SPON2: variants seen among roughly 807,000 people sequenced by gnomAD.
SPON2 encodes spondin-2.
In SPON2, 32 loss-of-function variants were observed where a neutral mutation model predicts 29.9. That is an observed-to-expected ratio of 1.07 (90% CI 0.81 to 1.44). The LOEUF (loss-of-function observed/expected upper bound fraction) is 1.44. Among genes scored for constraint, SPON2 ranks in the 40% most tolerant of loss-of-function variants. SPON2 has a pLI of 0.00. For synonymous variants in SPON2, 248 were observed against 209.1 expected, an observed-to-expected ratio of 1.19 and a Z score of -1.61; for missense variants, 541 against 455.5, an observed-to-expected ratio of 1.19 and a Z score of -1.71.
At chr4:1,204,177 C>T (rs1728283292) in intron 1 of SPON2, among the ~76,000 whole-genome samples, 1 of 152,204 alleles carries the variant, frequency 6.6e-6, no homozygotes, top group Non-Finnish European at 1.5e-5. Context: ...CGGCCTCTCC[C>T]AGTTTGCCCA....
chr4:1,198,190 G>C (rs531434987), upstream of SPON2, among the ~76,000 whole-genome samples: 1 of 152,218 alleles, frequency 6.6e-6, no homozygotes, highest in Non-Finnish European at 1.5e-5. Context: ...CAGCCCGCTC[G>C]GCCGGGGCAG....
At chr4:1,182,575 G>A (rs944938080) in intron 1 of SPON2, among the ~76,000 whole-genome samples, 4 of 152,130 alleles carry the variant, frequency 2.6e-5, no homozygotes, top group Admixed American at 2.0e-4. Flanking sequence ...GAAGAAAAAT[G>A]AACAAAGCCT....
chr4:1,170,838 T>A (rs1727411361), intron 4 of SPON2, 161 bp downstream of exon 4: 2 of 1,097,008 alleles, frequency 1.8e-6, no homozygotes, highest in Non-Finnish European at 2.7e-6. Flanking sequence ...ATGGGAGGGC[T>A]GCACCCCCTT....
At chr4:1,186,045 C>A (rs553433742) in intron 1 of SPON2, among the ~76,000 whole-genome samples, 1 of 149,858 alleles carries the variant, frequency 6.7e-6, no homozygotes, top group Non-Finnish European at 1.5e-5. Flanking sequence ...GAGATCGAGA[C>A]CATCCTGGCT....
intron 1 of SPON2, chr4:1,194,957 CGGCG>C: frequency 7.0e-6 from 1 of 142,764 alleles, no homozygotes; most frequent in Non-Finnish European, 1.5e-5. Flanking sequence ...ACCTCGCAGC[CGGCG>C]ACTCCAACCC....
Position 1,167,282 on chromosome 4 carries a change from G to A in SPON2, c.*190C>T, listed in dbSNP as rs1198049891. On this transcript the variant is annotated 3_prime_UTR_variant, in exon 6 of 6. Transcript: ENST00000290902. ...CTAAGAAGCAAGGTTGGGAAAGGAGGAGGCTGTTTCCCAATGCCCGTGCCG... is the reference window on the plus strand; with the variant it reads ...CTAAGAAGCAAGGTTGGGAAAGGAGAAGGCTGTTTCCCAATGCCCGTGCCG... 1.8e-6 allele frequency: 1 copy of A among 571,370 alleles called. No homozygotes were observed. The highest frequency in any genetic ancestry group is 1.9e-5 in the African/African-American group (1 of 52,670). The allele number at this position is 571,370 out of a possible 1,614,324, so 35.4% of individuals were successfully genotyped here. A position where few individuals can be genotyped will look rare whatever the true frequency, so the allele number is the denominator to read the frequency against.
chr4:1,201,810 C>T (rs974750221), intron 1 of SPON2, among the ~76,000 whole-genome samples: 2 of 152,062 alleles, frequency 1.3e-5, no homozygotes, highest in South Asian at 2.1e-4. Context: ...GTCTCGATCT[C>T]CTGACCTCGT....
chr4:1,194,096 C>G (rs996037084), intron 1 of SPON2, among the ~76,000 whole-genome samples: 1 of 152,094 alleles, frequency 6.6e-6, no homozygotes, highest in African/African-American at 2.4e-5. Flanking sequence ...AGAGGCCCCA[C>G]AGGACGTCTC....
intron 4 of SPON2, 112 bp downstream of exon 4, chr4:1,170,887 A>C: frequency 7.1e-7 from 1 of 1,416,926 alleles, no homozygotes; most frequent in South Asian, 1.2e-5. Flanking sequence ...TCTTCCACAC[A>C]AAAGCCGCAA....
upstream of SPON2, chr4:1,172,655 C>T (rs1352110889): frequency 6.5e-6 from 1 of 154,850 alleles, no homozygotes; most frequent in Admixed American, 6.3e-5. Context: ...GGCTCCAGTT[C>T]CTCCTGTCTT....
chr4:1,181,471 G>C (rs1407921458), intron 1 of SPON2, among the ~76,000 whole-genome samples: 2 of 152,184 alleles, frequency 1.3e-5, no homozygotes, highest in Non-Finnish European at 2.9e-5. Context: ...TGGGGACCTA[G>C]AAAAGACATT....
In SPON2 at chr4:1,171,254, C is replaced by T. The variant is rs773844534; in HGVS notation, c.444+9G>A. 3.9e-5 allele frequency: 57 copies of T among 1,476,712 alleles called. No individual in the cohort carries two copies. The highest frequency in any genetic ancestry group is 9.8e-6 in the Non-Finnish European group (11 of 1,121,992). The allele number at this position is 1,476,712 out of a possible 1,614,324, so 91.5% of individuals were successfully genotyped here. A position where few individuals can be genotyped will look rare whatever the true frequency, so the allele number is the denominator to read the frequency against. Reference sequence around the variant, plus strand: ...CCCGGACCCCGCCCCCGGCCGGCCCCGCGCTCACCAGCGAGTGCCTGCGCT... The same window carrying T: ...CCCGGACCCCGCCCCCGGCCGGCCCTGCGCTCACCAGCGAGTGCCTGCGCT... On this transcript the variant is annotated intron_variant, in intron 3 of 5. Transcript: ENST00000290902.
rs1270287185 is a variant in SPON2, at chr4:1,170,410, C to T, written c.803G>A (p.Ser268Asn). ...LPSRDNEIVD[S>N]ASVPETPLDC... ...ACCTGTATGTCCGTTACCTGAGGCGCTGTCTACAATCTCATTGTCCCTGCT... is the reference window on the plus strand; with the variant it reads ...ACCTGTATGTCCGTTACCTGAGGCGTTGTCTACAATCTCATTGTCCCTGCT... The change falls in exon 5 of 6, where the codon AGC (serine) becomes AAC (asparagine). Residue 268 changes from serine to asparagine, a missense_variant. Physicochemically the swap from Ser to Asn is conservative, Grantham distance 46. Coordinates refer to ENST00000290902, the MANE Select transcript of SPON2 (RefSeq NM_012445.4). The T allele has an allele frequency of 1.2e-6, 2 of 1,612,956 alleles. No individual in the cohort carries two copies. Among genetic ancestry groups the T allele is most frequent in the Non-Finnish European group, 1.7e-6 (2 of 1,179,664 alleles).
intron 1 of SPON2, among the ~76,000 whole-genome samples, chr4:1,184,915 C>T (rs1482765172): frequency 1.4e-5 from 2 of 139,812 alleles, no homozygotes; most frequent in Non-Finnish European, 3.1e-5. Flanking sequence ...CCAGCTTGGG[C>T]GACAGTGCAA....
chr4:1,171,818 G>A, intron 2 of SPON2, 34 bp downstream of exon 2: 1 of 1,495,460 alleles, frequency 6.7e-7, no homozygotes. Flanking sequence ...AGCCCTCCTG[G>A]TGGAGCAGGA....
intron 1 of SPON2, among the ~76,000 whole-genome samples, chr4:1,192,518 T>A (rs1302894268): frequency 6.6e-6 from 1 of 152,220 alleles, no homozygotes; most frequent in African/African-American, 2.4e-5. Flanking sequence ...GTGAGAAGGC[T>A]GAGTGCTCAC....
intron 5 of SPON2, 84 bp downstream of exon 5, chr4:1,170,318 A>C: frequency 1.5e-6 from 2 of 1,370,576 alleles, no homozygotes; most frequent in Non-Finnish European, 2.0e-6. Context: ...GGAATTTCTC[A>C]GAGCCTTAGG....
chr4:1,186,053 G>A (rs909958258), intron 1 of SPON2, among the ~76,000 whole-genome samples: 5 of 149,016 alleles, frequency 3.4e-5, no homozygotes, highest in East Asian at 2.0e-4. Context: ...GACCATCCTG[G>A]CTAACACGGT....
rs773368192 is a variant in SPON2 at position 1,170,496 on chromosome 4, C to T, written c.717G>A (p.Val239=). 3.7e-6 allele frequency: 6 copies of T among 1,613,954 alleles called. No homozygotes were observed. Among genetic ancestry groups the T allele is most frequent in the African/African-American group, 1.3e-5 (1 of 74,928 alleles). The change falls in exon 5 of 6, where the codon GTG becomes GTA. Residue 239 remains valine (V), a synonymous_variant. Coordinates refer to ENST00000290902, the MANE Select transcript of SPON2 (RefSeq NM_012445.4). ...RLKALPPIAR[V]TLVRLRQSPR... is the part of the protein sequence containing the mutation. ...GGCTCTGTCGCAGCCGCACCAGTGT[C>T]ACCCTGGCGATGGGAGGCAGGGCCT...
Sources: allele counts gnomAD v4.1 joint callset (sites outside exome capture counted in the v4.1 genomes callset), GRCh38; gene constraint gnomAD v4.1.1; transcripts MANE v1.5; gene names NCBI Gene and HGNC (gene_info 2026-07-23, HGNC 2026-07-21).